Variants in SDHC observed in about 807,000 individuals in gnomAD.
SDHC encodes the protein succinate dehydrogenase cytochrome b560 subunit, mitochondrial.
SDHC carries 11 observed loss-of-function variants against 22.6 expected under a neutral mutation model. The ratio of observed to expected loss-of-function variants is 0.49; its 90% CI spans 0.31 to 0.81. The LOEUF is 0.81. SDHC is among the 30% of genes least tolerant of loss of function. SDHC has a pLI of 0.05. For missense variants in SDHC, 160 were observed against 212.0 expected (o/e 0.75, Z 1.52); for synonymous variants, 80 against 77.8 (o/e 1.03, Z -0.15).
chr1:161,315,531 T>C (rs760601021), intron 1 of SDHC, among the ~76,000 whole-genome samples: 1 of 152,234 alleles, frequency 6.6e-6, no homozygotes, highest in East Asian at 1.9e-4. Flanking sequence ...TTCTCTGATA[T>C]ATTTTGGTAT....
At chr1:161,332,458 C>G (rs528405310) in intron 3 of SDHC, among the ~76,000 whole-genome samples, 54 of 152,248 alleles carry the variant, frequency 3.5e-4, no homozygotes, top group African/African-American at 1.3e-3. Context: ...TTTTTAATAA[C>G]ATGTTCCTAA....
Position 161,361,665 on chromosome 1 carries a change from C to T in SDHC, c.406-664C>T, listed in dbSNP as rs370990532. Among the ~76,000 whole-genome samples the T allele has an allele frequency of 1.6e-3, 246 of 152,098 alleles. 3 individuals are homozygous for T. Among genetic ancestry groups the T allele is most frequent in the African/African-American group, 5.8e-3 (240 of 41,470 alleles). On this transcript the variant is annotated intron_variant, in intron 5 of 5. Transcript: ENST00000367975. ...CCATCCTGGCTAACTCGATGAAACCCCATCTCTACTAAAAATACAAAAACA... is the reference window on the plus strand; with the variant it reads ...CCATCCTGGCTAACTCGATGAAACCTCATCTCTACTAAAAATACAAAAACA...
At chr1:161,320,809 T>G (rs1229015462) in intron 1 of SDHC, among the ~76,000 whole-genome samples, 1 of 151,030 alleles carries the variant, frequency 6.6e-6, no homozygotes, top group Non-Finnish European at 1.5e-5. Flanking sequence ...ATACAACTTA[T>G]TCTAAGACTT....
rs1269800580 is a variant in SDHC at position 161,314,654 on chromosome 1, G to T, written c.20+229G>T. On this transcript the variant is annotated intron_variant, in intron 1 of 5. Coordinates refer to ENST00000367975, the MANE Select transcript of SDHC (RefSeq NM_003001.5). ...ACTGACTTCGTATCGAGGGGCCCTC[G>T]GCTCTCGCCCCTTCTGTTTTCCCCA... 5 of 597,018 alleles carry T rather than the reference G, an allele frequency of 8.4e-6. No homozygotes were observed. In the Admixed American group the frequency reaches 1.5e-4, roughly 17 times the overall value. The allele number at this position is 597,018 out of a possible 1,614,324, so 37.0% of individuals were successfully genotyped here. A position where few individuals can be genotyped will look rare whatever the true frequency, so the allele number is the denominator to read the frequency against.
At position 161,332,068 on chromosome 1, in the gene SDHC, C is replaced by T. The variant is rs189368074; in HGVS notation, c.179+3571C>T. Among the ~76,000 whole-genome samples, 458 of 152,122 alleles carry T rather than the reference C, an allele frequency of 3.0e-3. 4 individuals carry two copies. Among genetic ancestry groups the T allele is most frequent in the African/African-American group, 0.01 (427 of 41,500 alleles). ...TCATAGCTCGTTGTAACCTTGAACT[C>T]CTGGACTCAAGTGATCTTCCTGACT... On this transcript the variant is annotated intron_variant, in intron 3 of 5. Coordinates refer to ENST00000367975, the MANE Select transcript of SDHC (RefSeq NM_003001.5).
chr1:161,337,827 A>G (rs762681986), intron 3 of SDHC, among the ~76,000 whole-genome samples: 5 of 152,158 alleles, frequency 3.3e-5, no homozygotes, highest in Non-Finnish European at 7.3e-5. Context: ...CAGAGCCCCA[A>G]GTGTGTTTGG....
At chr1:161,356,274 C>G (rs1016165315) in intron 4 of SDHC, among the ~76,000 whole-genome samples, 1 of 152,120 alleles carries the variant, frequency 6.6e-6, no homozygotes, top group Non-Finnish European at 1.5e-5. Context: ...TGCAGTGGCT[C>G]ACACCTGTAA....
At chr1:161,331,285 CCAGA>C (rs1332259935) in intron 3 of SDHC, among the ~76,000 whole-genome samples, 1 of 150,272 alleles carries the variant, frequency 6.7e-6, no homozygotes, top group Non-Finnish European at 1.5e-5. Flanking sequence ...TTTTTTTTGT[CCAGA>C]CAGAGTCTCA....
chr1:161,326,712 A>G (rs899392129), intron 2 of SDHC: 1 of 149,936 alleles, frequency 6.7e-6, no homozygotes, highest in African/African-American at 2.5e-5. Flanking sequence ...TGCAACCTCC[A>G]CGTCCTGAGT....
intron 4 of SDHC, among the ~76,000 whole-genome samples, chr1:161,346,562 C>G (rs889016421): frequency 1.3e-5 from 2 of 152,078 alleles, no homozygotes; most frequent in African/African-American, 4.8e-5. Flanking sequence ...CCACGCCTGG[C>G]TAATTTTGTA....
intron 3 of SDHC, chr1:161,339,534 G>C (rs1432233613): frequency 1.6e-6 from 2 of 1,232,398 alleles, no homozygotes; most frequent in Non-Finnish European, 2.1e-6. Flanking sequence ...AAGGAGTTTT[G>C]AGTTATAATC....
rs577196243 is a variant in SDHC at position 161,347,720 on chromosome 1, G to A, written c.241+7065G>A. On this transcript the variant is annotated intron_variant, in intron 4 of 5. Coordinates refer to ENST00000367975, the MANE Select transcript of SDHC (RefSeq NM_003001.5). ...ATCTCTACTAAAAATACAAAAATTA[G>A]CTGGGCATGGTGGCATGTGCCTGTA... Among the ~76,000 whole-genome samples the A allele has an allele frequency of 2.0e-5, 3 of 152,142 alleles. No individual in the cohort carries two copies. In the South Asian group the frequency reaches 6.2e-4, roughly 32 times the overall value.
At chr1:161,360,779 G>T (rs913764308) in intron 5 of SDHC, among the ~76,000 whole-genome samples, 1 of 151,852 alleles carries the variant, frequency 6.6e-6, no homozygotes, top group Non-Finnish European at 1.5e-5. Context: ...CAATTTAGTG[G>T]CATGCTACCA....
intron 3 of SDHC, 97 bp from the exon 4 acceptor site, chr1:161,340,497 C>T (rs1671681413): frequency 2.9e-6 from 3 of 1,044,356 alleles, no homozygotes; most frequent in Non-Finnish European, 2.9e-6. Context: ...AAAAAAAGTG[C>T]CTATTTCAGA....
chr1:161,331,594 C>CTTTT (rs376565137), intron 3 of SDHC, among the ~76,000 whole-genome samples: 1 of 132,654 alleles, frequency 7.5e-6, no homozygotes. Flanking sequence ...CAGTAAATAT[C>CTTTT]TTTTTTTTTT....
chr1:161,356,235 G>A (rs1672265306), intron 4 of SDHC, among the ~76,000 whole-genome samples: 1 of 151,962 alleles, frequency 6.6e-6, no homozygotes, highest in Non-Finnish European at 1.5e-5. Context: ...TTGAACATGA[G>A]TTTAAATCTT....
At chr1:161,343,395 T>A (rs1205990111) in intron 4 of SDHC, among the ~76,000 whole-genome samples, 1 of 152,202 alleles carries the variant, frequency 6.6e-6, no homozygotes, top group African/African-American at 2.4e-5. Flanking sequence ...TGTCCATTTA[T>A]AGACATATAT....
Position 161,362,717 on chromosome 1 carries a change from G to T in SDHC, c.*284G>T. On this transcript the variant is annotated 3_prime_UTR_variant, in exon 6 of 6. Transcript: ENST00000367975. ...AAGCAGTTATTCTCTCTCCATATTG[G>T]GCTTTGATTTGTGCTGAGGGTCAGC... is the stretch of plus-strand genomic sequence containing the variant. 1 of 600,018 alleles carries T rather than the reference G, an allele frequency of 1.7e-6. No homozygotes were observed. The highest frequency in any genetic ancestry group is 2.0e-5 in the South Asian group (1 of 50,162). The allele number at this position is 600,018 out of a possible 1,614,324, so 37.2% of individuals were successfully genotyped here.
intron 4 of SDHC, among the ~76,000 whole-genome samples, chr1:161,341,069 T>C (rs537758868): frequency 3.9e-5 from 6 of 152,310 alleles, no homozygotes; most frequent in Admixed American, 1.3e-4. Context: ...GGTCTTGATC[T>C]GACCTCATGA....
Sources: gnomAD v4.1 joint callset for allele counts (sites outside exome capture counted in the v4.1 genomes callset) on GRCh38, gnomAD v4.1.1 for gene constraint, MANE v1.5 for transcripts, NCBI Gene and HGNC (gene_info 2026-07-23, HGNC 2026-07-21) for gene names.